Variants in TAB3 observed in about 807,000 individuals in gnomAD.
TAB3 encodes the protein TGF-beta-activated kinase 1 and MAP3K7-binding protein 3.
TAB3 carries 18 observed loss-of-function variants against 48.1 expected under a neutral mutation model. The observed-to-expected ratio is 0.37, with a 90% CI of 0.26 to 0.55. The LOEUF is 0.55. Among genes scored for constraint, TAB3 ranks in the 20% least tolerant of loss-of-function variants. The pLI is 0.78. For missense variants in TAB3, 414 were observed against 549.8 expected (o/e 0.75, Z 2.47); for synonymous variants, 185 against 190.2 (o/e 0.97, Z 0.22).
At chrX:30,852,995 AAT>A (rs1338839057) in intron 6 of TAB3, 57 bp from the exon 7 acceptor site, 21 of 1,127,574 alleles carry the variant, frequency 1.9e-5, no homozygotes, top group Non-Finnish European at 2.2e-5. Context: ...GCGACTGGAA[AAT>A]TTCGATATGC....
chrX:30,884,981 G>A (rs140290769), intron 1 of TAB3, among the ~76,000 whole-genome samples: 3 of 112,157 alleles, frequency 2.7e-5, no homozygotes, highest in Non-Finnish European at 3.8e-5. Flanking sequence ...AGATCTGTCC[G>A]CTTTAATGAC....
At chrX:30,850,509 G>A (rs765465430) in intron 7 of TAB3, among the ~76,000 whole-genome samples, 157 of 109,869 alleles carry the variant, frequency 1.4e-3, no homozygotes, top group Middle Eastern at 4.7e-3. Flanking sequence ...TCAGGAGTTC[G>A]AGACTAGCCT....
At chrX:30,848,069 A>G (rs1454016326) in intron 7 of TAB3, among the ~76,000 whole-genome samples, 1 of 112,256 alleles carries the variant, frequency 8.9e-6, no homozygotes, top group Non-Finnish European at 1.9e-5. Context: ...CAGTGATGCT[A>G]TCTTCCTAGG....
chrX:30,861,446 G>C (rs1939249763), intron 4 of TAB3, among the ~76,000 whole-genome samples: 1 of 110,210 alleles, frequency 9.1e-6, no homozygotes, highest in Non-Finnish European at 1.9e-5. Context: ...AAAAAAATTG[G>C]TTTACGCTTC....
chrX:30,883,988 CTCAAACA>C (rs1038539961), intron 1 of TAB3, among the ~76,000 whole-genome samples: 1 of 111,257 alleles, frequency 9.0e-6, no homozygotes, highest in Non-Finnish European at 1.9e-5. Flanking sequence ...TCTAGTTTTG[CTCAAACA>C]TCAAAAAGGC....
At chrX:30,859,895 C>G (rs1939203119) in intron 4 of TAB3, among the ~76,000 whole-genome samples, 1 of 107,687 alleles carries the variant, frequency 9.3e-6, no homozygotes. Flanking sequence ...ATACTGAAAC[C>G]ATCTATGCAC....
intron 9 of TAB3, among the ~76,000 whole-genome samples, chrX:30,841,899 C>T (rs1283753890): frequency 8.9e-6 from 1 of 111,942 alleles, no homozygotes; most frequent in Admixed American, 9.4e-5. Flanking sequence ...ACCTCCACCT[C>T]CTGGGTTCAA....
chrX:30,831,341 G>A lies in TAB3; in HGVS notation c.*86C>T. On this transcript the variant is annotated 3_prime_UTR_variant, in exon 11 of 11. Transcript: ENST00000288422. ...CTGTGCAATCGAAAATGAAAAGGCT[G>A]GGTGGATGAATAGAGTCCCGAGGTT... The A allele has an allele frequency of 9.7e-7, 1 of 1,031,289 alleles. No individual in the cohort carries two copies. Among genetic ancestry groups the A allele is most frequent in the Non-Finnish European group, 1.3e-6 (1 of 774,962 alleles). The allele number at this position is 1,031,289 out of a possible 1,213,427, so 85.0% of individuals were successfully genotyped here. A position where few individuals can be genotyped will look rare whatever the true frequency, so the allele number is the denominator to read the frequency against.
rs756859117 is a variant in TAB3 at position 30,853,089 on chromosome X, TC to T, written c.1550-152del. On this transcript the variant is annotated intron_variant, in intron 6 of 10. Coordinates refer to ENST00000288422, the MANE Select transcript of TAB3 (RefSeq NM_152787.5). ...TTTCTAATGCTATGCTGCCTCCACA[TC>T]TGCTTCAATTTAGCCCTCTGAATGC... 8.6e-3 allele frequency: 4,619 copies of T among 537,496 alleles called. 14 individuals carry two copies. The highest frequency in any genetic ancestry group is 0.011 in the Non-Finnish European group (3,659 of 341,720). The allele number at this position is 537,496 out of a possible 1,213,427, so 44.3% of individuals were successfully genotyped here. A position where few individuals can be genotyped will look rare whatever the true frequency, so the allele number is the denominator to read the frequency against.
At chrX:30,860,158 G>T (rs1191331157) in intron 4 of TAB3, among the ~76,000 whole-genome samples, 3 of 111,916 alleles carry the variant, frequency 2.7e-5, no homozygotes, top group African/African-American at 9.7e-5. Context: ...TATCAATGAA[G>T]ATAGCTAAAT....
intron 7 of TAB3, among the ~76,000 whole-genome samples, chrX:30,851,321 T>G (rs938606118): frequency 8.9e-6 from 1 of 111,765 alleles, no homozygotes; most frequent in African/African-American, 3.3e-5. Flanking sequence ...GCATTCAAGG[T>G]CAAAGCCCCA....
At chrX:30,886,785 C>T (rs562668814) in intron 1 of TAB3, among the ~76,000 whole-genome samples, 8 of 112,455 alleles carry the variant, frequency 7.1e-5, no homozygotes, top group African/African-American at 2.6e-4. Context: ...TCCACTTCAA[C>T]TCTATTCAGA....
chrX:30,877,046 T>C (rs1322343892), intron 1 of TAB3, among the ~76,000 whole-genome samples: 2 of 111,644 alleles, frequency 1.8e-5, no homozygotes, highest in Non-Finnish European at 3.8e-5. Flanking sequence ...TCTCAATGAA[T>C]TCCTACCAGA....
chrX:30,853,516 ATC>A (rs71953930), intron 6 of TAB3, among the ~76,000 whole-genome samples: 5,356 of 111,989 alleles, frequency 0.048, 318 homozygotes, highest in African/African-American at 0.16. Flanking sequence ...TTCTCCATGA[ATC>A]TCTTTTTTCC....
At chrX:30,832,417 T>C (rs1299555351) in intron 10 of TAB3, among the ~76,000 whole-genome samples, 3 of 111,734 alleles carry the variant, frequency 2.7e-5, no homozygotes, top group African/African-American at 9.8e-5. Flanking sequence ...GGTCAATAAA[T>C]AGGAGACTAA....
At chrX:30,857,264 A>G (rs1939106074) in intron 5 of TAB3, among the ~76,000 whole-genome samples, 1 of 111,589 alleles carries the variant, frequency 9.0e-6, no homozygotes, top group Admixed American at 9.5e-5. Context: ...GAAGAAAACC[A>G]TTACAACTCA....
chrX:30,856,172 C>T (rs1028577327), intron 5 of TAB3, among the ~76,000 whole-genome samples: 17 of 111,312 alleles, frequency 1.5e-4, no homozygotes, highest in Non-Finnish European at 2.1e-4. Context: ...TTAAGCAAAA[C>T]GAATCAGTAT....
At chrX:30,884,720 T>C (rs1345350912) in intron 1 of TAB3, among the ~76,000 whole-genome samples, 2 of 112,153 alleles carry the variant, frequency 1.8e-5, no homozygotes, top group Non-Finnish European at 3.8e-5. Flanking sequence ...ATTACCTTCA[T>C]ATCCCTCACT....
In TAB3 at chrX:30,827,589, T is replaced by G. The variant is rs1234364757; in HGVS notation, c.*3838A>C. 1 of 112,616 alleles carries G rather than the reference T, an allele frequency of 8.9e-6. No homozygotes were observed. Among genetic ancestry groups the G allele is most frequent in the African/African-American group, 3.2e-5 (1 of 30,966 alleles). 9.3% of individuals were successfully genotyped at this position (112,616 alleles called of 1,213,427 possible). A position where few individuals can be genotyped will look rare whatever the true frequency, so the allele number is the denominator to read the frequency against. On this transcript the variant is annotated 3_prime_UTR_variant, in exon 11 of 11. Transcript: ENST00000288422. ...ATTTCATTCACAGCATACACAGAAA[T>G]CTAAAAGAGACATGGTATTTACAAG...
Sources: allele counts gnomAD v4.1 joint callset (sites outside exome capture counted in the v4.1 genomes callset), GRCh38; gene constraint gnomAD v4.1.1; transcripts MANE v1.5; gene names NCBI Gene and HGNC (gene_info 2026-07-23, HGNC 2026-07-21).